PHYKPL: variants seen among roughly 807,000 people sequenced by gnomAD.
The protein encoded by PHYKPL is 5-phosphonooxy-L-lysine phospho-lyase.
In PHYKPL, 42 loss-of-function variants were observed where a neutral mutation model predicts 51.3. That is an observed-to-expected ratio of 0.82 (90% CI 0.64 to 1.06). The LOEUF (loss-of-function observed/expected upper bound fraction) is 1.06, where lower values mean the gene tolerates loss of function less well. PHYKPL is among the 50% of genes least tolerant of loss of function. The pLI is 0.00. For synonymous variants in PHYKPL, 264 were observed against 236.0 expected, an observed-to-expected ratio of 1.12 and a Z score of -1.09; for missense variants, 655 against 586.6, an observed-to-expected ratio of 1.12 and a Z score of -1.20.
At chr5:178,229,814 C>G (rs1003718254) in intron 3 of PHYKPL, 126 bp downstream of exon 3, 4 of 1,213,292 alleles carry the variant, frequency 3.3e-6, no homozygotes, top group Non-Finnish European at 4.6e-6. Flanking sequence ...ATCTCAGGAG[C>G]CTGGTGCAGT....
intron 11 of PHYKPL, 36 bp from the exon 12 acceptor site, chr5:178,212,006 C>G (rs759425202): frequency 1.9e-6 from 3 of 1,612,482 alleles, no homozygotes; most frequent in Non-Finnish European, 2.5e-6. Flanking sequence ...GACTCAGTCA[C>G]CTTTCTCTGC....
At chr5:178,209,813 C>T (rs778386547) in intron 12 of PHYKPL, among the ~76,000 whole-genome samples, 19 of 152,098 alleles carry the variant, frequency 1.2e-4, no homozygotes, top group African/African-American at 4.3e-4. Flanking sequence ...CATCCCAGGC[C>T]CCTCTGACTC....
intron 3 of PHYKPL, among the ~76,000 whole-genome samples, chr5:178,229,324 T>A (rs918959773): frequency 9.2e-5 from 14 of 152,220 alleles, no homozygotes; most frequent in African/African-American, 3.4e-4. Flanking sequence ...GCCGGGCTGG[T>A]CTCAAACTCC....
intron 9 of PHYKPL, 71 bp from the exon 10 acceptor site, chr5:178,214,956 GCTC>G: frequency 1.4e-6 from 2 of 1,422,916 alleles, no homozygotes; most frequent in Non-Finnish European, 2.0e-6. Context: ...CAGCCTCTGG[GCTC>G]CTACCTGTGC....
Position 178,231,460 on chromosome 5 carries a change from G to T in PHYKPL, c.123C>A (p.Tyr41Ter). The change falls in exon 2 of 13, where the codon TAC becomes TAA. Residue 41 changes from tyrosine (Y) to a stop codon, truncating the protein, a stop_gained. Transcript: ENST00000308158. LOFTEE classifies it high-confidence loss of function. Reference protein sequence around the residue: ...PVKIVRAQGQYMYDEQGAEYI... With the variant: ...PVKIVRAQGQ ...ATTCTGCCCCCTGTTCATCGTACATGTACTGCCCTTGGGCCCGGACAATCT... is the reference window on the plus strand; with the variant it reads ...ATTCTGCCCCCTGTTCATCGTACATTTACTGCCCTTGGGCCCGGACAATCT... 3.1e-6 allele frequency: 5 copies of T among 1,614,178 alleles called. No individual in the cohort carries two copies. Among genetic ancestry groups the T allele is most frequent in the Non-Finnish European group, 4.2e-6 (5 of 1,180,034 alleles).
intron 1 of PHYKPL, 177 bp downstream of exon 1, chr5:178,232,289 ACCACCCGCCGGGACTGCCCAACGGCG>A: frequency 1.6e-6 from 2 of 1,246,434 alleles, no homozygotes; most frequent in Middle Eastern, 6.3e-4. Context: ...GGCCCCGGAG[ACCACCCGCCGGGACTGCCCAACGGCG>A]CCGCCCGCCT....
At chr5:178,221,622 A>G (rs1166176626) in intron 8 of PHYKPL, among the ~76,000 whole-genome samples, 7 of 152,056 alleles carry the variant, frequency 4.6e-5, no homozygotes, top group Non-Finnish European at 7.4e-5. Flanking sequence ...TTAGTCCCCA[A>G]TTCAAACTGG....
chr5:178,232,399 G>T, intron 1 of PHYKPL, 93 bp downstream of exon 1: 1 of 1,330,368 alleles, frequency 7.5e-7, no homozygotes, highest in South Asian at 2.0e-5. Context: ...CTAGCCGGAG[G>T]CGCGTGCGTA....
chr5:178,230,359 CTTTTTT>C (rs34227825), intron 2 of PHYKPL: 4 of 319,300 alleles, frequency 1.3e-5, no homozygotes, highest in Non-Finnish European at 2.4e-5. Flanking sequence ...TTAAGGAGGA[CTTTTTT>C]TTTTTTTTTT....
At chr5:178,220,301 G>A (rs1581279452) in intron 8 of PHYKPL, among the ~76,000 whole-genome samples, 1 of 151,674 alleles carries the variant, frequency 6.6e-6, no homozygotes, top group East Asian at 1.9e-4. Flanking sequence ...GAGTTCAAGA[G>A]CAGCCTGACC....
intron 12 of PHYKPL, chr5:178,210,651 G>C (rs375570673): frequency 6.4e-7 from 1 of 1,564,228 alleles, no homozygotes; most frequent in Non-Finnish European, 8.8e-7. Context: ...CCAACTGATC[G>C]CACACATGCT....
At chr5:178,210,925 AC>A (rs1426389441) in intron 12 of PHYKPL, 2 of 412,566 alleles carry the variant, frequency 4.8e-6, no homozygotes, top group Non-Finnish European at 8.7e-6. Context: ...GGACCTGTGG[AC>A]CCTGGTTGTA....
At chr5:178,210,512 TGCTTGTAAATAGTAGC>T in intron 12 of PHYKPL, 1 of 1,594,600 alleles carries the variant, frequency 6.3e-7, no homozygotes, top group Non-Finnish European at 8.6e-7. Flanking sequence ...ACAGGGCAAA[TGCTTGTAAATAGTAGC>T]TGCTATGGTT....
At chr5:178,214,700 TG>T in intron 10 of PHYKPL, 95 bp downstream of exon 10, 3 of 1,132,592 alleles carry the variant, frequency 2.6e-6, no homozygotes, top group Non-Finnish European at 2.6e-6. Context: ...CCCAGAGTGC[TG>T]GGGGTACAGA....
At position 178,222,553 on chromosome 5, in the gene PHYKPL, A is replaced by T; in HGVS notation, c.729T>A (p.Phe243Leu). 6.2e-7 allele frequency: 1 copy of T among 1,614,220 alleles called. No individual in the cohort carries two copies. Among genetic ancestry groups the T allele is most frequent in the Non-Finnish European group, 8.5e-7 (1 of 1,180,026 alleles). ...AEHIRKAGGV[F>L]VADEIQVGFG... ...AGCCAACCTGGATCTCATCTGCAAC[A>T]AAGACCCCTCCGGCCTTGCGGATGT... The change falls in exon 8 of 13, where the codon TTT (phenylalanine) becomes TTA (leucine). Residue 243 changes from phenylalanine to leucine, a missense_variant. Phe to Leu is a conservative substitution (Grantham distance 22, BLOSUM62 0). Coordinates refer to ENST00000308158, the MANE Select transcript of PHYKPL (RefSeq NM_153373.4).
chr5:178,208,005 A>T (rs1334756047), downstream of PHYKPL, among the ~76,000 whole-genome samples: 1 of 152,086 alleles, frequency 6.6e-6, no homozygotes, highest in African/African-American at 2.4e-5. Flanking sequence ...GTTAACCCTA[A>T]ACCCAGGCAA....
At chr5:178,210,382 C>G in intron 12 of PHYKPL, 1 of 1,579,526 alleles carries the variant, frequency 6.3e-7, no homozygotes, top group Non-Finnish European at 8.6e-7. Flanking sequence ...AGGCCTGGCT[C>G]AGCCATGGGA....
chr5:178,210,769 T>G (rs1758042451), intron 12 of PHYKPL: 1 of 679,450 alleles, frequency 1.5e-6, no homozygotes, highest in Non-Finnish European at 2.6e-6. Context: ...TGGAAATCAC[T>G]CTCCTGTTGA....
At chr5:178,213,520 C>T (rs576786205) in intron 10 of PHYKPL, among the ~76,000 whole-genome samples, 27 of 152,342 alleles carry the variant, frequency 1.8e-4, no homozygotes, top group African/African-American at 6.5e-4. Context: ...CCCTCACCAG[C>T]TTCAGGCATC....
Sources: allele counts gnomAD v4.1 joint callset (sites outside exome capture counted in the v4.1 genomes callset), GRCh38; gene constraint gnomAD v4.1.1; transcripts MANE v1.5; gene names NCBI Gene and HGNC (gene_info 2026-07-23, HGNC 2026-07-21).